The following GLMN variants were observed in gnomAD, a reference collection of about 807,000 sequenced individuals.
The protein encoded by GLMN is glomulin, FKBP associated protein, also known as glomulin.
In GLMN, 75 loss-of-function variants were observed where a neutral mutation model predicts 87.8. That is an observed-to-expected ratio of 0.85 (90% CI 0.71 to 1.04). The LOEUF is 1.04. GLMN is among the 50% of genes least tolerant of loss of function. The pLI is 0.00. For synonymous variants in GLMN, 206 were observed against 221.6 expected (o/e 0.93, Z 0.63); for missense variants, 588 against 658.8 (o/e 0.89, Z 1.18).
the GLMN span, among the ~76,000 whole-genome samples, chr1:92,357,392 CCATA>C: frequency 6.6e-6 from 1 of 152,012 alleles, no homozygotes; most frequent in East Asian, 1.9e-4. Context: ...GTTTGGGGGG[CCATA>C]CAAAGTTGAT....
At chr1:92,311,512 T>A in the GLMN span, among the ~76,000 whole-genome samples, 1 of 152,234 alleles carries the variant, frequency 6.6e-6, no homozygotes, top group South Asian at 2.1e-4. Context: ...AGATCAAAGC[T>A]TTTAAATTAT....
the GLMN span, among the ~76,000 whole-genome samples, chr1:92,329,155 A>G: frequency 1.3e-5 from 2 of 152,194 alleles, no homozygotes; most frequent in Non-Finnish European, 2.9e-5. Context: ...CATCAGCTGC[A>G]GTAGGATAGG....
chr1:92,315,124 AATTT>A, the GLMN span, among the ~76,000 whole-genome samples: 1 of 152,176 alleles, frequency 6.6e-6, no homozygotes, highest in African/African-American at 2.4e-5. Context: ...AAAAAAAAAA[AATTT>A]AAAGGAAAAG....
At chr1:92,267,892 T>C in intron 11 of GLMN, 21 bp downstream of exon 11, 2 of 1,095,196 alleles carry the variant, frequency 1.8e-6, no homozygotes, top group Non-Finnish European at 2.8e-6. Context: ...TTTTCAATAT[T>C]AGAATACATA....
the GLMN span, among the ~76,000 whole-genome samples, chr1:92,353,453 T>A: frequency 6.6e-6 from 1 of 152,226 alleles, no homozygotes; most frequent in Non-Finnish European, 1.5e-5. Context: ...TTCATGGACA[T>A]GTAACATCAA....
At chr1:92,336,409 A>G in the GLMN span, 1 of 1,606,706 alleles carries the variant, frequency 6.2e-7, no homozygotes, top group Non-Finnish European at 8.5e-7. Flanking sequence ...CAACTTAAAA[A>G]TCTTGTTCGA....
the GLMN span, chr1:92,323,470 T>A: frequency 3.7e-6 from 6 of 1,608,702 alleles, no homozygotes; most frequent in Non-Finnish European, 5.1e-6. Context: ...AGAAGTACAG[T>A]TATGCAGTAA....
At chr1:92,288,110 C>T (rs1371388582) in intron 6 of GLMN, among the ~76,000 whole-genome samples, 3 of 151,472 alleles carry the variant, frequency 2.0e-5, no homozygotes, top group African/African-American at 7.3e-5. Flanking sequence ...GAATTTGGAC[C>T]AGCCATATGT....
In GLMN at chr1:92,286,477, T is replaced by C; in HGVS notation, c.735+13A>G. 1 of 1,186,638 alleles carries C rather than the reference T, an allele frequency of 8.4e-7. No individual in the cohort carries two copies. The highest frequency in any genetic ancestry group is 1.3e-6 in the Non-Finnish European group (1 of 790,074). The allele number at this position is 1,186,638 out of a possible 1,614,324, so 73.5% of individuals were successfully genotyped here. ...CATTTAAGATTATAGCAGATTAAAT[T>C]AGCTGTACTTACTATTATTTCTGAT... On this transcript the variant is annotated intron_variant, in intron 7 of 18. Coordinates refer to ENST00000370360, the MANE Select transcript of GLMN (RefSeq NM_053274.3).
At chr1:92,262,340 T>G (rs1430798679) in intron 16 of GLMN, among the ~76,000 whole-genome samples, 1 of 152,222 alleles carries the variant, frequency 6.6e-6, no homozygotes, top group Non-Finnish European at 1.5e-5. Flanking sequence ...TCAAATAGTT[T>G]TCTATTTATT....
the GLMN span, chr1:92,304,146 A>C: frequency 7.7e-7 from 1 of 1,305,104 alleles, no homozygotes; most frequent in Admixed American, 2.0e-5. Flanking sequence ...TGTTGTAAGA[A>C]TAAGAAATAA....
intron 16 of GLMN, among the ~76,000 whole-genome samples, chr1:92,260,253 T>C (rs748505702): frequency 4.6e-5 from 7 of 152,188 alleles, no homozygotes; most frequent in Non-Finnish European, 8.8e-5. Context: ...ATAATTCTTA[T>C]GGTAACTTAT....
chr1:92,337,670 T>G, the GLMN span, among the ~76,000 whole-genome samples: 1 of 152,122 alleles, frequency 6.6e-6, no homozygotes, highest in African/African-American at 2.4e-5. Context: ...TTCTCTAAGT[T>G]TTATCTTAAC....
the GLMN span, among the ~76,000 whole-genome samples, chr1:92,346,423 C>T: frequency 6.6e-6 from 1 of 152,174 alleles, no homozygotes; most frequent in Non-Finnish European, 1.5e-5. Context: ...CTCTACCTCC[C>T]AAACTGCTAG....
chr1:92,270,446 C>T (rs936248857), intron 8 of GLMN, among the ~76,000 whole-genome samples: 6 of 152,188 alleles, frequency 3.9e-5, no homozygotes, highest in Non-Finnish European at 8.8e-5. Flanking sequence ...CTCTATTTCA[C>T]AGGCTTATTA....
chr1:92,320,603 C>T, the GLMN span: 15 of 1,610,688 alleles, frequency 9.3e-6, no homozygotes, highest in African/African-American at 1.3e-5. Flanking sequence ...TTACAGGCAT[C>T]CTGATTTTCA....
the GLMN span, among the ~76,000 whole-genome samples, chr1:92,314,588 A>G: frequency 6.6e-6 from 1 of 151,446 alleles, no homozygotes; most frequent in Non-Finnish European, 1.5e-5. Context: ...CATCTCTACT[A>G]AAAATACAAA....
chr1:92,314,296 C>T, the GLMN span, among the ~76,000 whole-genome samples: 8 of 150,470 alleles, frequency 5.3e-5, no homozygotes, highest in African/African-American at 2.0e-4. Flanking sequence ...ACTCAGAGGC[C>T]ATTGTAAGGG....
At chr1:92,252,792 T>A (rs1653698138) in intron 16 of GLMN, among the ~76,000 whole-genome samples, 1 of 152,206 alleles carries the variant, frequency 6.6e-6, no homozygotes, top group Non-Finnish European at 1.5e-5. Context: ...TTAAGAGTTT[T>A]AAAATAGTTA....
Sources: gnomAD v4.1 joint callset for allele counts (sites outside exome capture counted in the v4.1 genomes callset) on GRCh38, gnomAD v4.1.1 for gene constraint, MANE v1.5 for transcripts, NCBI Gene and HGNC (gene_info 2026-07-23, HGNC 2026-07-21) for gene names.